Variants in DDX47 observed in about 807,000 individuals in gnomAD.
DDX47 encodes probable ATP-dependent RNA helicase DDX47.
Under a neutral mutation model 58.8 loss-of-function variants are expected in DDX47, and 60 were observed. That is an observed-to-expected ratio of 1.02 (90% CI 0.83 to 1.26). The LOEUF is 1.26. DDX47 is among the 50% of genes most tolerant of loss of function. The probability of loss-of-function intolerance (pLI) is 0.00; values close to 1 mark genes in which losing one functional copy is unlikely to be tolerated. For synonymous variants in DDX47, 197 were observed against 204.6 expected, an observed-to-expected ratio of 0.96 and a Z score of 0.32; for missense variants, 530 against 573.2, an observed-to-expected ratio of 0.92 and a Z score of 0.77.
intron 5 of DDX47, 129 bp from the exon 6 acceptor site, chr12:12,822,532 A>G (rs1862989134): frequency 1.4e-6 from 1 of 705,318 alleles, no homozygotes. Context: ...ATCAAATTGA[A>G]TTTTCGAGTC....
intron 10 of DDX47, 185 bp downstream of exon 10, chr12:12,826,255 T>G (rs1359569373): frequency 1.2e-5 from 6 of 483,634 alleles, no homozygotes; most frequent in Non-Finnish European, 2.2e-5. Flanking sequence ...AATTGGAGAT[T>G]ATATATGTAA....
rs540869498 is a variant in DDX47 at position 12,821,135 on chromosome 12, C to T, written c.182-73C>T. ...TATTAAGCGTCTACTTTGTGCCCAG[C>T]ATTGTGTCATTGTAGAAAACACAGA... On this transcript the variant is annotated intron_variant, in intron 2 of 11. Coordinates refer to ENST00000358007, the MANE Select transcript of DDX47 (RefSeq NM_016355.4). 22 of 1,474,380 alleles carry T rather than the reference C, an allele frequency of 1.5e-5. No individual in the cohort carries two copies. The African/African-American group carries it at 2.2e-4, about 15-fold the overall frequency. 91.3% of individuals were successfully genotyped at this position (1,474,380 alleles called of 1,614,324 possible). A position where few individuals can be genotyped will look rare whatever the true frequency, so the allele number is the denominator to read the frequency against.
chr12:12,815,382 G>GT (rs1355073044), intron 2 of DDX47, among the ~76,000 whole-genome samples: 1 of 152,176 alleles, frequency 6.6e-6, no homozygotes, highest in Non-Finnish European at 1.5e-5. Flanking sequence ...TGTTGTAAAT[G>GT]TAAGGCACTG....
chr12:12,823,147 T>G, intron 6 of DDX47, 56 bp from the exon 7 acceptor site: 1 of 1,128,010 alleles, frequency 8.9e-7, no homozygotes, highest in Non-Finnish European at 1.4e-6. Context: ...CCAAACCATG[T>G]CATAAATAAA....
At chr12:12,814,465 G>A (rs1451611443) in intron 2 of DDX47, 2 of 423,966 alleles carry the variant, frequency 4.7e-6, no homozygotes, top group Non-Finnish European at 8.7e-6. Flanking sequence ...CTAGGTTAAA[G>A]TTAAAGTATA....
intron 2 of DDX47, among the ~76,000 whole-genome samples, chr12:12,819,581 C>T (rs954548942): frequency 1.3e-5 from 2 of 152,090 alleles, no homozygotes; most frequent in African/African-American, 4.8e-5. Context: ...TTTAGACATA[C>T]CTCCAAATAA....
At chr12:12,828,121 G>A (rs1336496157) in intron 11 of DDX47, among the ~76,000 whole-genome samples, 1 of 152,026 alleles carries the variant, frequency 6.6e-6, no homozygotes, top group Non-Finnish European at 1.5e-5. Flanking sequence ...GCCTCCCAAA[G>A]TGCTGGGATT....
intron 2 of DDX47, among the ~76,000 whole-genome samples, chr12:12,817,224 A>C (rs1188932041): frequency 6.6e-6 from 1 of 152,250 alleles, no homozygotes; most frequent in East Asian, 1.9e-4. Flanking sequence ...CGCTGTTCTT[A>C]AACCTTATAA....
intron 2 of DDX47, among the ~76,000 whole-genome samples, chr12:12,818,453 G>A (rs1356393926): frequency 2.0e-5 from 3 of 151,856 alleles, no homozygotes; most frequent in East Asian, 1.9e-4. Context: ...CCCAGGAGGC[G>A]GAGCTTGCAG....
chr12:12,823,160 G>A (rs1358250374), intron 6 of DDX47, 43 bp from the exon 7 acceptor site: 8 of 1,196,454 alleles, frequency 6.7e-6, no homozygotes, highest in Non-Finnish European at 1.0e-5. Context: ...TAAATAAAGA[G>A]TGTTTAGGCA....
chr12:12,822,590 C>G, intron 5 of DDX47, 71 bp from the exon 6 acceptor site: 1 of 1,279,404 alleles, frequency 7.8e-7, no homozygotes, highest in Non-Finnish European at 1.1e-6. Context: ...CTACCTCCTT[C>G]ACTACCTAGA....
chr12:12,813,632 G>C, intron 1 of DDX47, 178 bp downstream of exon 1: 1 of 635,480 alleles, frequency 1.6e-6, no homozygotes, highest in Non-Finnish European at 2.7e-6. Flanking sequence ...GTGGTGGGAG[G>C]GCTGCTGGGC....
Position 12,829,846 on chromosome 12 carries a change from A to G in DDX47, c.*292A>G, listed in dbSNP as rs1592326782. ...TTTTGCCTTTTTTAGCTGCAAGTCA[A>G]GGACTAGGTTGATGATGCCCATGAC... On this transcript the variant is annotated 3_prime_UTR_variant, in exon 12 of 12. Transcript: ENST00000358007. The G allele has an allele frequency of 8.7e-6, 2 of 228,626 alleles. No individual in the cohort carries two copies. The highest frequency in any genetic ancestry group is 1.9e-4 in the East Asian group (2 of 10,544). 14.2% of individuals were successfully genotyped at this position (228,626 alleles called of 1,614,324 possible).
At chr12:12,824,139 T>C in intron 8 of DDX47, 123 bp downstream of exon 8, 1 of 1,245,960 alleles carries the variant, frequency 8.0e-7, no homozygotes, top group African/African-American at 1.5e-5. Flanking sequence ...TGTTGTAATT[T>C]TATGGGCTTT....
intron 1 of DDX47, 98 bp from the exon 2 acceptor site, chr12:12,814,033 A>C (rs7978823): frequency 1.2e-6 from 1 of 800,218 alleles, no homozygotes; most frequent in Non-Finnish European, 2.2e-6. Context: ...TTTAAATCAA[A>C]TACAATGGTT....
At chr12:12,813,484 T>C (rs1171176291) in intron 1 of DDX47, 30 bp downstream of exon 1, 2 of 1,570,224 alleles carry the variant, frequency 1.3e-6, no homozygotes, top group South Asian at 1.2e-5. Flanking sequence ...GCTTCTTTTA[T>C]GTACTCTGGT....
chr12:12,822,779 A>G lies in DDX47; in HGVS notation c.633+47A>G, dbSNP rs757844427. On this transcript the variant is annotated intron_variant, in intron 6 of 11. Transcript: ENST00000358007. Reference sequence around the variant, plus strand: ...GTTTCTTCTTTATGAGAATTGATACATAAAGTAAATAGTAATAACAATAAG... The same window carrying G: ...GTTTCTTCTTTATGAGAATTGATACGTAAAGTAAATAGTAATAACAATAAG... The G allele has an allele frequency of 2.7e-6, 4 of 1,460,462 alleles. No individual in the cohort carries two copies. In the South Asian group the frequency reaches 4.6e-5, roughly 17 times the overall value. 90.5% of individuals were successfully genotyped at this position (1,460,462 alleles called of 1,614,324 possible).
chr12:12,821,517 T>TATTTG (rs557216629), intron 3 of DDX47, 121 bp downstream of exon 3: 6 of 1,427,734 alleles, frequency 4.2e-6, no homozygotes, highest in Non-Finnish European at 5.9e-6. Flanking sequence ...GCTAATGTTG[T>TATTTG]ATTTGAGCTT....
chr12:12,820,793 G>T, intron 2 of DDX47: 1 of 204,840 alleles, frequency 4.9e-6, no homozygotes, highest in South Asian at 7.7e-5. Flanking sequence ...GAGCTACCAT[G>T]CCCAGCCAGC....
Sources: gnomAD v4.1 joint callset for allele counts (sites outside exome capture counted in the v4.1 genomes callset) on GRCh38, gnomAD v4.1.1 for gene constraint, MANE v1.5 for transcripts, NCBI Gene and HGNC (gene_info 2026-07-23, HGNC 2026-07-21) for gene names.